The following UQCC1 variants were observed in gnomAD, a reference collection of about 807,000 sequenced individuals.
UQCC1 encodes bFGF-repressed Zic-binding protein.
A neutral mutation model predicts 48.0 loss-of-function variants in UQCC1; 38 were observed. That is an observed-to-expected ratio of 0.79 (90% confidence interval 0.61 to 1.04). UQCC1 has a LOEUF of 1.04. Ranked by LOEUF, UQCC1 falls within the 50% of genes least tolerant of loss-of-function variation. The pLI, the probability that UQCC1 is intolerant of heterozygous loss-of-function variation, is 0.00. For synonymous variants in UQCC1, 111 were observed against 129.2 expected (o/e 0.86, Z 0.95); for missense variants, 368 against 381.8 (o/e 0.96, Z 0.30).
At chr20:35,378,722 A>G (rs2061832015) in intron 4 of UQCC1, among the ~76,000 whole-genome samples, 1 of 152,222 alleles carries the variant, frequency 6.6e-6, no homozygotes, top group African/African-American at 2.4e-5. Context: ...CTTGATTCAC[A>G]GTCAACCATC....
At chr20:35,346,992 G>A in intron 7 of UQCC1, 172 bp downstream of exon 7, 1 of 1,547,186 alleles carries the variant, frequency 6.5e-7, no homozygotes, top group Non-Finnish European at 8.7e-7. Context: ...AGTATCTGTG[G>A]AGTATTAGTT....
At chr20:35,410,921 G>T (rs2062352959) in intron 1 of UQCC1, among the ~76,000 whole-genome samples, 1 of 151,662 alleles carries the variant, frequency 6.6e-6, no homozygotes, top group Non-Finnish European at 1.5e-5. Flanking sequence ...AATATTTACT[G>T]AACAGCAGTC....
chr20:35,397,623 A>AGTAAT (rs1173935431), intron 1 of UQCC1, among the ~76,000 whole-genome samples: 1 of 152,122 alleles, frequency 6.6e-6, no homozygotes, highest in Non-Finnish European at 1.5e-5. Flanking sequence ...ACAGTATAAC[A>AGTAAT]ACTATTTACA....
chr20:35,384,760 G>A, intron 2 of UQCC1: 1 of 367,486 alleles, frequency 2.7e-6, no homozygotes. Flanking sequence ...CTTGAGGTCA[G>A]GAGTTTGAGA....
chr20:35,348,167 A>C (rs943486207), intron 6 of UQCC1, among the ~76,000 whole-genome samples: 1 of 152,230 alleles, frequency 6.6e-6, no homozygotes, highest in African/African-American at 2.4e-5. Context: ...ATAAATGAAC[A>C]AACACCTATG....
rs563271069 is a variant in UQCC1, at chr20:35,370,023, T to A, written c.407-3409A>T. 7.2e-5 allele frequency among the ~76,000 whole-genome samples: 11 copies of A among 152,160 alleles called. No homozygotes were observed. The South Asian group carries it at 1.9e-3, about 26-fold the overall frequency. On this transcript the variant is annotated intron_variant, in intron 5 of 9. Transcript: ENST00000374385. ...CAAAGTGCTCTTCACAGCAAACATC[T>A]CTAAAAGACCAGTCAGCAAACCGCA...
At chr20:35,315,080 T>G (rs1038131925) in intron 7 of UQCC1, 1 of 186,688 alleles carries the variant, frequency 5.4e-6, no homozygotes, top group Non-Finnish European at 1.1e-5. Flanking sequence ...CACAGTCCAA[T>G]GTAGGAAAAT....
intron 2 of UQCC1, among the ~76,000 whole-genome samples, chr20:35,391,493 A>AC (rs1277383058): frequency 6.6e-6 from 1 of 152,014 alleles, no homozygotes; most frequent in East Asian, 1.9e-4. Flanking sequence ...GTGTCATGGC[A>AC]CATACTTGTA....
chr20:35,348,893 C>T (rs1323206157), intron 6 of UQCC1, among the ~76,000 whole-genome samples: 1 of 152,188 alleles, frequency 6.6e-6, no homozygotes, highest in East Asian at 1.9e-4. Flanking sequence ...GGGCTCAAGA[C>T]TTCCTCCCAC....
chr20:35,396,666 TGA>T (rs1323758834), intron 1 of UQCC1, among the ~76,000 whole-genome samples: 1 of 152,168 alleles, frequency 6.6e-6, no homozygotes, highest in Non-Finnish European at 1.5e-5. Flanking sequence ...AAGCTAAAAC[TGA>T]GATTCACGTT....
chr20:35,394,295 TA>T (rs1409123466), intron 1 of UQCC1, 99 bp from the exon 2 acceptor site: 19 of 1,103,064 alleles, frequency 1.7e-5, no homozygotes, highest in Non-Finnish European at 2.1e-5. Flanking sequence ...ATTAGAAATA[TA>T]TATTTGGCCT....
intron 1 of UQCC1, among the ~76,000 whole-genome samples, chr20:35,398,572 A>C (rs2062114680): frequency 6.6e-6 from 1 of 152,090 alleles, no homozygotes. Context: ...TGGAGCTAAA[A>C]ATATTTTATT....
chr20:35,350,335 A>G (rs2061477130), intron 6 of UQCC1, among the ~76,000 whole-genome samples: 1 of 152,160 alleles, frequency 6.6e-6, no homozygotes, highest in South Asian at 2.1e-4. Context: ...CAACCTCAAA[A>G]AGTAGAGAAT....
At chr20:35,403,037 A>G (rs2062191394) in intron 1 of UQCC1, among the ~76,000 whole-genome samples, 2 of 151,510 alleles carry the variant, frequency 1.3e-5, no homozygotes, top group Admixed American at 1.3e-4. Context: ...ATTGCACTCC[A>G]GCCTAGGGGA....
intron 7 of UQCC1, among the ~76,000 whole-genome samples, chr20:35,333,977 C>T (rs958031051): frequency 2.0e-5 from 3 of 152,088 alleles, no homozygotes; most frequent in African/African-American, 7.2e-5. Context: ...GGGAAGGGGG[C>T]AGTTTAGAAC....
intron 9 of UQCC1, 130 bp from the exon 10 acceptor site, chr20:35,304,199 C>G: frequency 8.0e-7 from 1 of 1,251,296 alleles, no homozygotes; most frequent in South Asian, 1.4e-5. Context: ...CTGACCATCC[C>G]AGGTCCCAGA....
chr20:35,316,279 T>C (rs2061058576), intron 7 of UQCC1, among the ~76,000 whole-genome samples: 1 of 152,124 alleles, frequency 6.6e-6, no homozygotes, highest in African/African-American at 2.4e-5. Context: ...GCACCTGTCA[T>C]GGGCTGGGAG....
intron 7 of UQCC1, among the ~76,000 whole-genome samples, chr20:35,324,526 CCG>C (rs1234219753): frequency 8.5e-5 from 13 of 152,194 alleles, no homozygotes; most frequent in Non-Finnish European, 5.9e-5. Context: ...CGGGGTTTCA[CCG>C]TGTTAGCCAG....
At chr20:35,305,463 C>T (rs2060918163) in intron 9 of UQCC1, among the ~76,000 whole-genome samples, 1 of 152,240 alleles carries the variant, frequency 6.6e-6, no homozygotes, top group African/African-American at 2.4e-5. Context: ...AAATGTTGGG[C>T]AGGTCTCTCA....
Sources: allele counts gnomAD v4.1 joint callset (sites outside exome capture counted in the v4.1 genomes callset), GRCh38; gene constraint gnomAD v4.1.1; transcripts MANE v1.5; gene names NCBI Gene and HGNC (gene_info 2026-07-23, HGNC 2026-07-21).